Variants in ST6GALNAC3 observed in about 807,000 individuals in gnomAD.
ST6GALNAC3 encodes ST6 N-acetylgalactosaminide alpha-2,6-sialyltransferase 3.
Under a neutral mutation model 32.7 loss-of-function variants are expected in ST6GALNAC3, and 25 were observed. The observed-to-expected ratio is 0.76, with a 90% CI of 0.56 to 1.07. ST6GALNAC3 has a LOEUF of 1.07. Ranked by LOEUF, ST6GALNAC3 falls within the 50% of genes least tolerant of loss-of-function variation. The probability of loss-of-function intolerance (pLI) is 0.00; values close to 1 mark genes in which losing one functional copy is unlikely to be tolerated. For synonymous variants in ST6GALNAC3, 129 were observed against 133.1 expected (o/e 0.97, Z 0.21); for missense variants, 355 against 382.4 (o/e 0.93, Z 0.60).
intron 1 of ST6GALNAC3, among the ~76,000 whole-genome samples, chr1:76,168,017 G>C (rs1046058000): frequency 6.6e-6 from 1 of 151,628 alleles, no homozygotes; most frequent in Non-Finnish European, 1.5e-5. Context: ...GTTATTTCTT[G>C]TCTTCTGCTA....
At chr1:76,608,106 A>T (rs1346680908) in intron 3 of ST6GALNAC3, among the ~76,000 whole-genome samples, 1 of 152,218 alleles carries the variant, frequency 6.6e-6, no homozygotes, top group Non-Finnish European at 1.5e-5. Context: ...GTACAATTTC[A>T]TTACAAAATA....
At chr1:76,279,833 C>T (rs924367774) in intron 1 of ST6GALNAC3, among the ~76,000 whole-genome samples, 3 of 152,180 alleles carry the variant, frequency 2.0e-5, no homozygotes, top group Non-Finnish European at 1.5e-5. Context: ...AAAGTTAAAA[C>T]TTAGTAGAGA....
chr1:76,545,058 C>T (rs533421637), intron 3 of ST6GALNAC3, among the ~76,000 whole-genome samples: 3 of 152,268 alleles, frequency 2.0e-5, no homozygotes, highest in South Asian at 2.1e-4. Flanking sequence ...AAACCACTAC[C>T]GTAGCGTTTC....
chr1:76,598,211 C>T (rs955019600), intron 3 of ST6GALNAC3, among the ~76,000 whole-genome samples: 14 of 152,104 alleles, frequency 9.2e-5, no homozygotes, highest in Non-Finnish European at 2.1e-4. Flanking sequence ...CTAATGACCT[C>T]CCAAAGGGCC....
intron 1 of ST6GALNAC3, among the ~76,000 whole-genome samples, chr1:76,088,015 C>T (rs527839339): frequency 1.2e-4 from 19 of 152,302 alleles, no homozygotes; most frequent in Non-Finnish European, 2.4e-4. Flanking sequence ...GTGAGTGGAA[C>T]ACCTGTGGGG....
chr1:76,477,892 A>G (rs1317415635), intron 3 of ST6GALNAC3, among the ~76,000 whole-genome samples: 1 of 152,138 alleles, frequency 6.6e-6, no homozygotes, highest in Non-Finnish European at 1.5e-5. Context: ...GCCTCCAAGG[A>G]TCTTACTCTT....
intron 3 of ST6GALNAC3, among the ~76,000 whole-genome samples, chr1:76,550,452 A>C (rs575272148): frequency 6.6e-6 from 1 of 152,116 alleles, no homozygotes; most frequent in Non-Finnish European, 1.5e-5. Flanking sequence ...CCAAGTTTGC[A>C]TGTATGTGTG....
chr1:76,448,757 C>A (rs1414169613), intron 3 of ST6GALNAC3, among the ~76,000 whole-genome samples: 2 of 152,164 alleles, frequency 1.3e-5, no homozygotes, highest in African/African-American at 4.8e-5. Context: ...CCTTGCCTTG[C>A]ACCATGGTTA....
intron 3 of ST6GALNAC3, among the ~76,000 whole-genome samples, chr1:76,602,235 C>T (rs1570418789): frequency 6.6e-6 from 1 of 151,992 alleles, no homozygotes; most frequent in South Asian, 2.1e-4. Flanking sequence ...ACCTGAGTTA[C>T]GAATGGGGAA....
Position 76,313,249 on chromosome 1 carries a change from A to C in ST6GALNAC3, c.19-556A>C, listed in dbSNP as rs543156546. On this transcript the variant is annotated intron_variant, in intron 1 of 4. Transcript: ENST00000328299. ...ACTCAAATGTTCTTTGAATGCCTGT[A>C]GTATGTAAGGTACCATGTTAAGAGC... 5.3e-5 allele frequency among the ~76,000 whole-genome samples: 8 copies of C among 152,254 alleles called. No homozygotes were observed. The East Asian group carries it at 1.5e-3, about 29-fold the overall frequency.
At chr1:76,121,843 C>G (rs1209291125) in intron 1 of ST6GALNAC3, among the ~76,000 whole-genome samples, 1 of 152,150 alleles carries the variant, frequency 6.6e-6, no homozygotes, top group Non-Finnish European at 1.5e-5. Context: ...TACTGTCTGC[C>G]CTTATTGGCC....
At chr1:76,615,322 C>G (rs1333174465) in intron 3 of ST6GALNAC3, among the ~76,000 whole-genome samples, 1 of 152,054 alleles carries the variant, frequency 6.6e-6, no homozygotes, top group African/African-American at 2.4e-5. Context: ...ATTACAGGCC[C>G]TTAAGACTCA....
chr1:76,395,110 A>G (rs770394064), intron 2 of ST6GALNAC3, among the ~76,000 whole-genome samples: 1 of 152,168 alleles, frequency 6.6e-6, no homozygotes, highest in African/African-American at 2.4e-5. Flanking sequence ...TGCTCTATCA[A>G]AATTATCCAT....
At chr1:76,389,957 T>C (rs1652404925) in intron 2 of ST6GALNAC3, among the ~76,000 whole-genome samples, 1 of 152,162 alleles carries the variant, frequency 6.6e-6, no homozygotes, top group Non-Finnish European at 1.5e-5. Flanking sequence ...GCCAGCAATT[T>C]AAGGCAGCAA....
chr1:76,523,641 C>T (rs995933864), intron 3 of ST6GALNAC3, among the ~76,000 whole-genome samples: 2 of 152,142 alleles, frequency 1.3e-5, no homozygotes, highest in African/African-American at 2.4e-5. Context: ...TAAGACACTA[C>T]TTCATTCACT....
chr1:76,323,719 A>G (rs576548427), intron 2 of ST6GALNAC3, among the ~76,000 whole-genome samples: 3 of 152,374 alleles, frequency 2.0e-5, no homozygotes, highest in East Asian at 3.9e-4. Flanking sequence ...AACTCTTTAA[A>G]TGTAGTCATA....
intron 3 of ST6GALNAC3, among the ~76,000 whole-genome samples, chr1:76,565,832 C>A (rs1165715261): frequency 2.0e-5 from 3 of 152,170 alleles, no homozygotes; most frequent in African/African-American, 4.8e-5. Flanking sequence ...GCCCCTGGAA[C>A]AATGTAGGGG....
chr1:76,252,450 G>A (rs1298504892), intron 1 of ST6GALNAC3, among the ~76,000 whole-genome samples: 1 of 152,110 alleles, frequency 6.6e-6, no homozygotes, highest in Non-Finnish European at 1.5e-5. Context: ...GCTATTTCAT[G>A]TTTACGTTTA....
chr1:76,584,910 G>A (rs1646938802), intron 3 of ST6GALNAC3, among the ~76,000 whole-genome samples: 2 of 152,126 alleles, frequency 1.3e-5, no homozygotes, highest in South Asian at 4.1e-4. Context: ...TGCCACATGG[G>A]GCTTTTTCTC....
Sources: gnomAD v4.1 joint callset for allele counts (sites outside exome capture counted in the v4.1 genomes callset) on GRCh38, gnomAD v4.1.1 for gene constraint, MANE v1.5 for transcripts, NCBI Gene and HGNC (gene_info 2026-07-23, HGNC 2026-07-21) for gene names.